KIF22: variants seen among roughly 807,000 people sequenced by gnomAD.
KIF22 encodes kinesin-like protein KIF22.
In KIF22, 62 loss-of-function variants were observed where a neutral mutation model predicts 73.0. The ratio of observed to expected loss-of-function variants is 0.85; its 90% CI spans 0.69 to 1.05. KIF22 has a LOEUF of 1.05. Among genes scored for constraint, KIF22 ranks in the 50% least tolerant of loss-of-function variants. KIF22 has a pLI of 0.00. For missense variants in KIF22, 854 were observed against 870.1 expected (o/e 0.98, Z 0.23); for synonymous variants, 411 against 340.1 (o/e 1.21, Z -2.29).
intron 8 of KIF22, among the ~76,000 whole-genome samples, chr16:29,800,799 C>A (rs952346169): frequency 6.6e-6 from 1 of 152,116 alleles, no homozygotes; most frequent in Non-Finnish European, 1.5e-5. Flanking sequence ...AAATTCCCCC[C>A]AAATTCTACT....
chr16:29,803,355 G>A (rs1046449737), intron 9 of KIF22, 94 bp from the exon 10 acceptor site: 6 of 1,474,662 alleles, frequency 4.1e-6, no homozygotes, highest in Non-Finnish European at 5.5e-6. Context: ...CCCTCTGGGG[G>A]CTCAGAGCCT....
At chr16:29,793,501 G>A (rs1054058260) in intron 1 of KIF22, among the ~76,000 whole-genome samples, 1 of 152,212 alleles carries the variant, frequency 6.6e-6, no homozygotes, top group East Asian at 1.9e-4. Flanking sequence ...TGTGCAGAAC[G>A]TGCAATAGGA....
rs200544709 is a variant in KIF22, at chr16:29,799,743, T to A, written c.1106T>A (p.Ile369Asn). Residue 369 changes from isoleucine to asparagine, a missense_variant, in exon 7 of 14, where the codon ATC (isoleucine) becomes AAC (asparagine). Coordinates refer to ENST00000160827, the MANE Select transcript of KIF22 (RefSeq NM_007317.3). ...TTTGCTGCCAGGTCCAAGGAGGTGA[T>A]CAATCGGCCTTTTACCAATGAGAGC... is the stretch of plus-strand genomic sequence containing the variant. ...LNFAARSKEV[I>N]NRPFTNESLQ... 1.4e-4 allele frequency: 233 copies of A among 1,613,006 alleles called. No individual in the cohort carries two copies. The highest frequency in any genetic ancestry group is 1.0e-5 in the Non-Finnish European group (12 of 1,179,560).
rs1046420945 is a variant in KIF22 at position 29,798,237 on chromosome 16, G to A, written c.267-137G>A. 4 of 1,456,442 alleles carry A rather than the reference G, an allele frequency of 2.7e-6. No individual in the cohort carries two copies. Among genetic ancestry groups the A allele is most frequent in the South Asian group, 1.4e-5 (1 of 71,880 alleles). 90.2% of individuals were successfully genotyped at this position (1,456,442 alleles called of 1,614,324 possible). ...TTTAAGGTCTTTGTACAAGAAAGGG[G>A]ATAGAGACGTTCTCTTAAATCCAAG... is the stretch of plus-strand genomic sequence containing the variant. On this transcript the variant is annotated intron_variant, in intron 2 of 13. Coordinates refer to ENST00000160827, the MANE Select transcript of KIF22 (RefSeq NM_007317.3). The surrounding 1 kb of genome is among the most constrained non-coding windows in gnomAD (Gnocchi z 4.1).
In KIF22 at chr16:29,800,007, T is replaced by G; in HGVS notation, c.1239T>G (p.Pro413=). The change falls in exon 8 of 14, where the codon CCT becomes CCG. Residue 413 remains proline, a synonymous_variant. Transcript: ENST00000160827. Reference sequence around the variant, plus strand: ...CTGAGGAAGAGGAGATCGGGAGCCCTGAGCCCATGGCAGCTCCAGCCTCTG... The same window carrying G: ...CTGAGGAAGAGGAGATCGGGAGCCCGGAGCCCATGGCAGCTCCAGCCTCTG... The part of the protein sequence containing the change: ...RGPEEEEIGS[P]EPMAAPASAS... 6.2e-7 allele frequency: 1 copy of G among 1,613,788 alleles called. No homozygotes were observed. The highest frequency in any genetic ancestry group is 8.5e-7 in the Non-Finnish European group (1 of 1,180,014).
chr16:29,799,962 G>A lies in KIF22; in HGVS notation c.1194G>A (p.Glu398=), dbSNP rs754165724. The change falls in exon 8 of 14, where the codon GAG becomes GAA. Residue 398 remains glutamate, a synonymous_variant. Transcript: ENST00000160827. ...LSQKELLGPP[E]AKRARGPEEE... is the part of the protein sequence containing the mutation. ...AGAAAGAATTGCTTGGTCCACCAGA[G>A]GCAAAGAGAGCCCGAGGCCCTGAGG... 2 of 1,614,066 alleles carry A rather than the reference G, an allele frequency of 1.2e-6. No individual in the cohort carries two copies. The highest frequency in any genetic ancestry group is 1.7e-5 in the Admixed American group (1 of 60,012).
At position 29,799,010 on chromosome 16, in the gene KIF22, G is replaced by C. The variant is rs1293502407; in HGVS notation, c.585G>C (p.Leu195=). The change falls in exon 5 of 14, where the codon CTG becomes CTC. Residue 195 remains leucine, a synonymous_variant. Coordinates refer to ENST00000160827, the MANE Select transcript of KIF22 (RefSeq NM_007317.3). ...TCCTGGACCCTGCTTCGGGAGACCT[G>C]GTAATCCGAGAAGACTGCCGGGGGA... ...LDLLDPASGD[L]VIREDCRGNI... is the part of the protein sequence containing the mutation. The C allele has an allele frequency of 6.2e-7, 1 of 1,614,216 alleles. No homozygotes were observed. Among genetic ancestry groups the C allele is most frequent in the East Asian group, 2.2e-5 (1 of 44,886 alleles).
At chr16:29,804,275 C>T (rs1899259277) in intron 11 of KIF22, 1 of 616,068 alleles carries the variant, frequency 1.6e-6, no homozygotes, top group Non-Finnish European at 2.9e-6. Context: ...GGATGTACCT[C>T]GCAGAGCGGA....
rs2142362118 is a variant in KIF22 at position 29,790,787 on chromosome 16, A to G, written c.28A>G (p.Arg10Gly). 1.2e-6 allele frequency: 2 copies of G among 1,602,960 alleles called. No homozygotes were observed. The highest frequency in any genetic ancestry group is 1.7e-6 in the Non-Finnish European group (2 of 1,174,996). ...GGCCGCGGGCGGCTCGACGCAGCAGAGGCGACGCGAGATGGCGGCAGCTTC... is the reference window on the plus strand; with the variant it reads ...GGCCGCGGGCGGCTCGACGCAGCAGGGGCGACGCGAGATGGCGGCAGCTTC... MAAGGSTQQ[R>G]RREMAAASAA... The change falls in exon 1 of 14, where the codon AGG becomes GGG. Residue 10 changes from arginine to glycine, a missense_variant. Around this residue, in one of 3 missense-constraint regions of KIF22, gnomAD observed 186 missense variants for 152.9 expected, o/e 1.22. Transcript: ENST00000160827.
chr16:29,790,919 T>C, intron 1 of KIF22, 90 bp downstream of exon 1: 1 of 1,529,110 alleles, frequency 6.5e-7, no homozygotes, highest in Non-Finnish European at 8.8e-7. Context: ...CTCTGCGGGT[T>C]GTCGCGGAGA....
chr16:29,804,610 G>C (rs949674575), intron 11 of KIF22: 2 of 696,656 alleles, frequency 2.9e-6, no homozygotes, highest in Non-Finnish European at 5.2e-6. Context: ...ATTACCACTG[G>C]GTACTGAGTA....
At chr16:29,796,793 C>G (rs1898962937) in intron 1 of KIF22, 100 bp from the exon 2 acceptor site, 18 of 1,120,866 alleles carry the variant, frequency 1.6e-5, no homozygotes, top group Non-Finnish European at 2.2e-5. Flanking sequence ...ATGAGCTTCT[C>G]CAACATGAGC....
intron 1 of KIF22, among the ~76,000 whole-genome samples, chr16:29,792,000 A>G (rs1035665250): frequency 1.3e-5 from 2 of 152,218 alleles, no homozygotes; most frequent in Non-Finnish European, 2.9e-5. Flanking sequence ...ACAATGAGAG[A>G]TGTGTATAAA....
At position 29,804,481 on chromosome 16, in the gene KIF22, G is replaced by A. The variant is rs1490239208; in HGVS notation, c.1678-333G>A. On this transcript the variant is annotated intron_variant, in intron 11 of 13. Transcript: ENST00000160827. ...TATTACTTTCTCCCATGTACTTTTT[G>A]AAAGACAGCTTATTCTTTCCCTTTT... is the stretch of plus-strand genomic sequence containing the variant. The A allele has an allele frequency of 4.7e-6, 3 of 643,136 alleles. No homozygotes were observed. The African/African-American group carries it at 5.4e-5, about 12-fold the overall frequency. The allele number at this position is 643,136 out of a possible 1,614,324, so 39.8% of individuals were successfully genotyped here.
At chr16:29,800,632 G>A (rs954374783) in intron 8 of KIF22, among the ~76,000 whole-genome samples, 1 of 152,176 alleles carries the variant, frequency 6.6e-6, no homozygotes, top group South Asian at 2.1e-4. Flanking sequence ...AGGCATGGTA[G>A]TGGGCACCTG....
At chr16:29,803,101 T>C (rs553582493) in intron 9 of KIF22, among the ~76,000 whole-genome samples, 164 bp downstream of exon 9, 1 of 152,038 alleles carries the variant, frequency 6.6e-6, no homozygotes, top group Non-Finnish European at 1.5e-5. Flanking sequence ...TGGCTGAACT[T>C]TGACAGACAA....
chr16:29,799,034 G>C lies in KIF22; in HGVS notation c.609G>C (p.Gly203=). The C allele has an allele frequency of 1.2e-6, 2 of 1,614,156 alleles. No individual in the cohort carries two copies. Among genetic ancestry groups the C allele is most frequent in the South Asian group, 2.2e-5 (2 of 91,088 alleles). ...TGGTAATCCGAGAAGACTGCCGGGG[G>C]AATATCCTGATTCCGGGTCTCTCCC... ...GDLVIREDCR[G]NILIPGLSQK... The change falls in exon 5 of 14, where the codon GGG becomes GGC. Residue 203 remains glycine (G), a synonymous_variant. Coordinates refer to ENST00000160827, the MANE Select transcript of KIF22 (RefSeq NM_007317.3).
chr16:29,791,139 C>T, intron 1 of KIF22: 2 of 1,314,966 alleles, frequency 1.5e-6, no homozygotes, highest in Non-Finnish European at 1.9e-6. Context: ...GGGGTCATGG[C>T]CTCATCCCTG....
intron 8 of KIF22, among the ~76,000 whole-genome samples, chr16:29,801,538 A>G (rs761316871): frequency 2.0e-5 from 3 of 152,158 alleles, no homozygotes; most frequent in Non-Finnish European, 4.4e-5. Flanking sequence ...TGCTGTGTGC[A>G]CCCAGAAATG....
Sources: gnomAD v4.1 joint callset for allele counts (sites outside exome capture counted in the v4.1 genomes callset) on GRCh38, gnomAD v4.1.1 for gene constraint, gnomAD v4.1.1 regional missense constraint, Gnocchi (gnomAD v3.1) non-coding constraint, MANE v1.5 for transcripts, NCBI Gene and HGNC (gene_info 2026-07-23, HGNC 2026-07-21) for gene names.